The following RIMS2 variants were observed in gnomAD, a reference collection of about 807,000 sequenced individuals.
RIMS2 encodes regulating synaptic membrane exocytosis 2.
A neutral mutation model predicts 174.4 loss-of-function variants in RIMS2; 59 were observed. The ratio of observed to expected loss-of-function variants is 0.34; its 90% CI spans 0.27 to 0.42. The LOEUF is 0.42. Among genes scored for constraint, RIMS2 ranks in the 10% least tolerant of loss-of-function variants. The pLI is 1.00. For synonymous variants in RIMS2, 606 were observed against 572.5 expected, an observed-to-expected ratio of 1.06 and a Z score of -0.84; for missense variants, 1,620 against 1,666.3, an observed-to-expected ratio of 0.97 and a Z score of 0.48.
chr8:103,917,610 T>C (rs553734640), intron 8 of RIMS2, among the ~76,000 whole-genome samples: 39 of 152,332 alleles, frequency 2.6e-4, no homozygotes, highest in African/African-American at 8.2e-4. Context: ...GTTTACCCCT[T>C]GTGTCAAATC....
chr8:103,750,452 A>G (rs2097873426), intron 2 of RIMS2, among the ~76,000 whole-genome samples: 1 of 152,142 alleles, frequency 6.6e-6, no homozygotes, highest in Non-Finnish European at 1.5e-5. Flanking sequence ...AATAACAAAG[A>G]GTGTAATTGG....
intron 1 of RIMS2, among the ~76,000 whole-genome samples, chr8:103,665,218 A>G (rs1156410860): frequency 2.0e-5 from 3 of 152,242 alleles, no homozygotes; most frequent in African/African-American, 7.2e-5. Context: ...TGGCACATGT[A>G]TATCTGTGTA....
intron 19 of RIMS2, among the ~76,000 whole-genome samples, chr8:104,220,958 C>T (rs1418175436): frequency 2.0e-5 from 3 of 152,090 alleles, no homozygotes; most frequent in African/African-American, 4.8e-5. Flanking sequence ...TCCTTGATAC[C>T]TTCCCCCGAT....
At chr8:104,251,820 G>A in exon 24 of RIMS2, 1 of 1,546,692 alleles carries the variant, frequency 6.5e-7, no homozygotes, top group Non-Finnish European at 8.8e-7. Flanking sequence ...CTCGTTCATA[G>A]CAGCTGTAAA....
intron 3 of RIMS2, among the ~76,000 whole-genome samples, chr8:103,781,472 T>A (rs971752112): frequency 6.6e-6 from 1 of 152,214 alleles, no homozygotes; most frequent in Non-Finnish European, 1.5e-5. Context: ...TTAAAATTAT[T>A]TTTTCATCAG....
chr8:103,826,154 G>A (rs959470895), intron 3 of RIMS2, among the ~76,000 whole-genome samples: 1 of 152,002 alleles, frequency 6.6e-6, no homozygotes, highest in Non-Finnish European at 1.5e-5. Flanking sequence ...TAAAATGTAT[G>A]TTTTCTCCCA....
At chr8:103,695,025 A>T (rs2097082123) in intron 1 of RIMS2, among the ~76,000 whole-genome samples, 1 of 151,750 alleles carries the variant, frequency 6.6e-6, no homozygotes. Flanking sequence ...GTGAAACAGT[A>T]AACAATTGCC....
chr8:103,826,121 G>A (rs996922574), intron 3 of RIMS2, among the ~76,000 whole-genome samples: 2 of 151,926 alleles, frequency 1.3e-5, no homozygotes. Context: ...TATTAAATTC[G>A]CTAGTAAGTG....
chr8:104,013,479 T>A lies in RIMS2; in HGVS notation c.3082T>A (p.Ser1028Thr), dbSNP rs771969289. 3 of 1,613,660 alleles carry A rather than the reference T, an allele frequency of 1.9e-6. No homozygotes were observed. The highest frequency in any genetic ancestry group is 2.5e-6 in the Non-Finnish European group (3 of 1,179,828). ...AGCAGATAGACAGCCATATCACAGA[T>A]CCAGATCAACAGAACAACGGCCTCT... The change falls in exon 18 of 24, where the codon TCC becomes ACC. Residue 1028 changes from serine (S) to threonine (T), a missense_variant. Physicochemically the swap from Ser to Thr is moderately conservative, Grantham distance 58. Around this residue, in one of 2 missense-constraint regions of RIMS2, gnomAD observed 1,395 missense variants for 1,360.1 expected, o/e 1.03. Coordinates refer to ENST00000504942, the Ensembl canonical transcript of RIMS2.
intron 3 of RIMS2, among the ~76,000 whole-genome samples, chr8:103,824,467 T>G (rs1309121811): frequency 6.6e-6 from 1 of 152,190 alleles, no homozygotes; most frequent in Non-Finnish European, 1.5e-5. Context: ...GCTTTCAAAT[T>G]TGAGAAATTG....
chr8:103,735,125 C>G (rs1463457585), intron 2 of RIMS2, among the ~76,000 whole-genome samples: 1 of 152,142 alleles, frequency 6.6e-6, no homozygotes, highest in Non-Finnish European at 1.5e-5. Context: ...TGGCAGCTTC[C>G]TCCTCTTCTC....
At chr8:104,222,492 G>A (rs1477245169) in intron 19 of RIMS2, among the ~76,000 whole-genome samples, 1 of 152,146 alleles carries the variant, frequency 6.6e-6, no homozygotes, top group Non-Finnish European at 1.5e-5. Context: ...ACAGGGTTAG[G>A]ACTGAATAGT....
intron 1 of RIMS2, among the ~76,000 whole-genome samples, chr8:103,538,309 T>C (rs1389803166): frequency 6.6e-6 from 1 of 152,200 alleles, no homozygotes; most frequent in Non-Finnish European, 1.5e-5. Context: ...GATTTCCTTA[T>C]ATTCACCTTT....
intron 2 of RIMS2, among the ~76,000 whole-genome samples, chr8:103,754,947 A>G (rs562323149): frequency 1.3e-5 from 2 of 152,056 alleles, no homozygotes; most frequent in Non-Finnish European, 1.5e-5. Flanking sequence ...TAATATTGTT[A>G]TGTGTGAATT....
chr8:104,103,833 A>G (rs2097963034), intron 19 of RIMS2, among the ~76,000 whole-genome samples: 1 of 152,158 alleles, frequency 6.6e-6, no homozygotes, highest in East Asian at 1.9e-4. Context: ...TACTAGGTTA[A>G]ATGTTGATAC....
chr8:104,080,695 C>T (rs1365140052), intron 19 of RIMS2, among the ~76,000 whole-genome samples: 1 of 151,930 alleles, frequency 6.6e-6, no homozygotes, highest in African/African-American at 2.4e-5. Flanking sequence ...ACAAATATAT[C>T]TACAATTTTG....
intron 1 of RIMS2, among the ~76,000 whole-genome samples, chr8:103,547,349 A>G (rs1261765451): frequency 1.3e-5 from 2 of 152,188 alleles, no homozygotes; most frequent in African/African-American, 4.8e-5. Context: ...AAGATATTGA[A>G]AAAAAATCGC....
chr8:103,959,055 C>T lies in RIMS2; in HGVS notation c.2702-2010C>T, dbSNP rs537601214. Among the ~76,000 whole-genome samples the T allele has an allele frequency of 1.8e-4, 27 of 152,280 alleles. 2 individuals carry two copies. The South Asian group carries it at 5.6e-3, about 32-fold the overall frequency. On this transcript the variant is annotated intron_variant, in intron 14 of 23. Transcript: ENST00000504942. ...TCCCCTTGCACCCTGATTTTGTGGG[C>T]CATCTACAGAAGCAACTGCAACTGA...
intron 1 of RIMS2, among the ~76,000 whole-genome samples, chr8:103,657,781 G>A (rs2096548783): frequency 6.6e-6 from 1 of 152,174 alleles, no homozygotes; most frequent in Non-Finnish European, 1.5e-5. Context: ...ACACAGCTCA[G>A]TTCTGACTGG....
Sources: allele counts gnomAD v4.1 joint callset (sites outside exome capture counted in the v4.1 genomes callset), GRCh38; gene constraint gnomAD v4.1.1; regional missense constraint gnomAD v4.1.1; transcripts MANE v1.5; gene names NCBI Gene and HGNC (gene_info 2026-07-23, HGNC 2026-07-21).